PPARG: variants seen among roughly 807,000 people sequenced by gnomAD.
PPARG encodes the protein peroxisome proliferator activated receptor gamma.
A neutral mutation model predicts 39.2 loss-of-function variants in PPARG; 17 were observed. The ratio of observed to expected loss-of-function variants is 0.43; its 90% CI spans 0.30 to 0.65. PPARG has a LOEUF of 0.65. PPARG is among the 30% of genes least tolerant of loss of function. The probability of loss-of-function intolerance (pLI) is 0.13; values close to 1 mark genes in which losing one functional copy is unlikely to be tolerated. For synonymous variants in PPARG, 223 were observed against 215.7 expected (o/e 1.03, Z -0.30); for missense variants, 406 against 585.9 (o/e 0.69, Z 3.17).
intron 5 of PPARG, among the ~76,000 whole-genome samples, chr3:12,404,195 T>C (rs918774751): frequency 6.6e-6 from 1 of 152,172 alleles, no homozygotes; most frequent in Non-Finnish European, 1.5e-5. Flanking sequence ...ACCAAGGATA[T>C]ATTCACTAAA....
intron 1 of PPARG, among the ~76,000 whole-genome samples, chr3:12,305,086 C>G (rs750551393): frequency 6.6e-6 from 1 of 151,940 alleles, no homozygotes; most frequent in Non-Finnish European, 1.5e-5. Flanking sequence ...TTCTTGTTCC[C>G]TCTACCCTTC....
chr3:12,304,453 A>G (rs2047007613), intron 1 of PPARG, among the ~76,000 whole-genome samples: 1 of 152,176 alleles, frequency 6.6e-6, no homozygotes, highest in Non-Finnish European at 1.5e-5. Context: ...TTTTGGGGGA[A>G]ATTCTAGAAT....
intron 2 of PPARG, among the ~76,000 whole-genome samples, chr3:12,358,297 A>G (rs2048731426): frequency 6.6e-6 from 1 of 152,220 alleles, no homozygotes; most frequent in Admixed American, 6.5e-5. Flanking sequence ...TGTTTAAAAA[A>G]GAGTAGCTTA....
chr3:12,305,124 A>G (rs1461023871), intron 1 of PPARG, among the ~76,000 whole-genome samples: 1 of 149,310 alleles, frequency 6.7e-6, no homozygotes, highest in Non-Finnish European at 1.5e-5. Flanking sequence ...GGTGTTCCCT[A>G]TGTTTTCTTC....
At chr3:12,308,928 TA>T (rs2047151611) in intron 1 of PPARG, among the ~76,000 whole-genome samples, 2 of 152,140 alleles carry the variant, frequency 1.3e-5, no homozygotes, top group South Asian at 4.1e-4. Flanking sequence ...AATAAAAAAT[TA>T]AAAACATGTG....
At chr3:12,287,444 C>T (rs370775828), upstream of PPARG, 1 of 152,368 alleles carries the variant, frequency 6.6e-6, no homozygotes, top group African/African-American at 2.4e-5. Flanking sequence ...CCGAAATATG[C>T]TTTAATTAAA....
chr3:12,374,183 C>T (rs1478117704), intron 2 of PPARG, among the ~76,000 whole-genome samples: 1 of 152,130 alleles, frequency 6.6e-6, no homozygotes, highest in African/African-American at 2.4e-5. Context: ...GACAGCAAAA[C>T]CATACCATTC....
intron 2 of PPARG, among the ~76,000 whole-genome samples, chr3:12,337,852 A>G (rs35240997): frequency 0.2 from 30,205 of 152,198 alleles, 3,217 homozygotes; most frequent in Admixed American, 0.26. Context: ...ATTACATTGT[A>G]TTAGTTATTA....
chr3:12,355,270 G>A (rs2048625669), intron 2 of PPARG, among the ~76,000 whole-genome samples: 1 of 151,938 alleles, frequency 6.6e-6, no homozygotes, highest in African/African-American at 2.4e-5. Flanking sequence ...CTAGTAGCTG[G>A]GACTACAGGC....
intron 6 of PPARG, among the ~76,000 whole-genome samples, chr3:12,414,633 A>G (rs2050997071): frequency 6.6e-6 from 1 of 152,296 alleles, no homozygotes; most frequent in East Asian, 1.9e-4. Context: ...AAAATACAGT[A>G]AATTTTCATC....
In PPARG at chr3:12,296,254, C is replaced by CAA. The variant is rs545210244; in HGVS notation, c.-83+7144_-83+7145dup. Among the ~76,000 whole-genome samples, 420 of 47,976 alleles carry CAA rather than the reference C, an allele frequency of 8.8e-3. 20 individuals carry two copies. Among genetic ancestry groups the CAA allele is most frequent in the Middle Eastern group, 0.012 (1 of 86 alleles). 31.5% of individuals were successfully genotyped at this position (47,976 alleles called of 152,430 possible). ...TGGGCAACAGAGCAACACTTTGTCT[C>CAA]AAAAAAAAAAAAAAAAAAAAAAAAA... On this transcript the variant is annotated intron_variant, in intron 1 of 7. Transcript: ENST00000651735.
chr3:12,346,404 A>G (rs1337937709), intron 2 of PPARG, among the ~76,000 whole-genome samples: 2 of 152,154 alleles, frequency 1.3e-5, no homozygotes, highest in East Asian at 1.9e-4. Flanking sequence ...GTATCTCAAC[A>G]TTAAAACTCA....
At chr3:12,380,977 C>T (rs79192456) in intron 3 of PPARG, among the ~76,000 whole-genome samples, 10 of 152,216 alleles carry the variant, frequency 6.6e-5, no homozygotes, top group Non-Finnish European at 1.5e-4. Context: ...GTGATGAATA[C>T]CAAAGACAGA....
At chr3:12,314,920 A>G (rs1334213182) in intron 2 of PPARG, among the ~76,000 whole-genome samples, 2 of 152,216 alleles carry the variant, frequency 1.3e-5, no homozygotes, top group Non-Finnish European at 2.9e-5. Context: ...AAATCAGGGT[A>G]AGTAGCATAT....
Position 12,381,268 on chromosome 3 carries a change from T to G in PPARG, c.221-54T>G, listed in dbSNP as rs2049643151. The G allele has an allele frequency of 1.9e-6, 3 of 1,578,676 alleles. No homozygotes were observed. The Admixed American group carries it at 5.2e-5, about 27-fold the overall frequency. On this transcript the variant is annotated intron_variant, in intron 3 of 7. Coordinates refer to ENST00000651735, the MANE Select transcript of PPARG (RefSeq NM_138711.6). ...TACTATGGTGGCTTGCCCTGTTGCC[T>G]TTTTAGGACTGTTTTCATGGGATAA...
At chr3:12,387,381 G>GT (rs2049916245) in intron 4 of PPARG, among the ~76,000 whole-genome samples, 1 of 152,050 alleles carries the variant, frequency 6.6e-6, no homozygotes, top group African/African-American at 2.4e-5. Flanking sequence ...TCCAGCGTCT[G>GT]TTTTTTTCCT....
At chr3:12,310,791 TAA>T (rs761238501) in intron 1 of PPARG, among the ~76,000 whole-genome samples, 6,857 of 50,168 alleles carry the variant, frequency 0.14, 216 homozygotes, top group East Asian at 0.24. Context: ...GCCTTAAATG[TAA>T]AAAAAAAAAA....
intron 4 of PPARG, among the ~76,000 whole-genome samples, chr3:12,391,732 CA>C (rs1371698063): frequency 6.6e-6 from 1 of 152,068 alleles, no homozygotes; most frequent in African/African-American, 2.4e-5. Flanking sequence ...TGGAGAAAGT[CA>C]AAATGCATGT....
chr3:12,364,784 CAT>C (rs1335914914), intron 2 of PPARG, among the ~76,000 whole-genome samples: 2 of 152,192 alleles, frequency 1.3e-5, no homozygotes, highest in African/African-American at 4.8e-5. Flanking sequence ...GCTCTCGTGA[CAT>C]ATGATGTTGA....
Sources: gnomAD v4.1 joint callset for allele counts (sites outside exome capture counted in the v4.1 genomes callset) on GRCh38, gnomAD v4.1.1 for gene constraint, MANE v1.5 for transcripts, NCBI Gene and HGNC (gene_info 2026-07-23, HGNC 2026-07-21) for gene names.